The following FBH1 variants were observed in gnomAD, a reference collection of about 807,000 sequenced individuals.
FBH1 encodes the protein DNA 3'-5' helicase 1.
In FBH1, 43 loss-of-function variants were observed where a neutral mutation model predicts 115.5. The ratio of observed to expected loss-of-function variants is 0.37; its 90% CI spans 0.29 to 0.48. FBH1 has a LOEUF of 0.48. Ranked by LOEUF, FBH1 falls within the 20% of genes least tolerant of loss-of-function variation. The pLI, the probability that FBH1 is intolerant of heterozygous loss-of-function variation, is 0.99. For missense variants in FBH1, 1,001 were observed against 1,337.3 expected, an observed-to-expected ratio of 0.75 and a Z score of 3.92; for synonymous variants, 524 against 507.8, an observed-to-expected ratio of 1.03 and a Z score of -0.43.
Position 5,914,278 on chromosome 10 carries a change from G to A in FBH1, c.1396+9G>A. ...AATTATGGCCTTTGCCGGTAAGGGAGCCCACATCAGGTTCACGAGGTGGTG... is the reference window on the plus strand; with the variant it reads ...AATTATGGCCTTTGCCGGTAAGGGAACCCACATCAGGTTCACGAGGTGGTG... On this transcript the variant is annotated intron_variant, in intron 8 of 20. Coordinates refer to ENST00000362091, the MANE Select transcript of FBH1 (RefSeq NM_178150.3). The surrounding 1 kb of genome is among the most constrained non-coding windows in gnomAD (Gnocchi z 5.2). The A allele has an allele frequency of 6.2e-7, 1 of 1,613,316 alleles. No homozygotes were observed. Among genetic ancestry groups the A allele is most frequent in the Non-Finnish European group, 8.5e-7 (1 of 1,179,210 alleles).
chr10:5,906,245 G>T lies in FBH1; in HGVS notation c.366G>T (p.Lys122Asn). The change falls in exon 3 of 21, where the codon AAG becomes AAT. Residue 122 changes from lysine (K) to asparagine (N), a missense_variant. Transcript: ENST00000362091. The surrounding 1 kb of genome is among the most constrained non-coding windows in gnomAD (Gnocchi z 7.3). Reference protein sequence around the residue: ...GSPGSAPPSRKRSWSSEEESN... With the variant: ...GSPGSAPPSRNRSWSSEEESN... ...CAGGGTCTGCCCCGCCCTCCAGGAA[G>T]CGGTCTTGGTCCTCTGAGGAAGAGA... is the stretch of plus-strand genomic sequence containing the variant. The T allele has an allele frequency of 6.2e-7, 1 of 1,614,198 alleles. No homozygotes were observed. The highest frequency in any genetic ancestry group is 8.5e-7 in the Non-Finnish European group (1 of 1,180,026).
Position 5,915,258 on chromosome 10 carries a change from C to A in FBH1, c.1397-145C>A. Reference sequence around the variant, plus strand: ...TTTGAATCTGCTGCTCTTTTGGTGGCACTACTTTTACCAGCACTGAAAAAC... The same window carrying A: ...TTTGAATCTGCTGCTCTTTTGGTGGAACTACTTTTACCAGCACTGAAAAAC... On this transcript the variant is annotated intron_variant, in intron 8 of 20. Coordinates refer to ENST00000362091, the MANE Select transcript of FBH1 (RefSeq NM_178150.3). This position sits in a 1 kb window ranked among gnomAD's most constrained non-coding sequence, Gnocchi z 5.2. 1.3e-6 allele frequency: 1 copy of A among 782,274 alleles called. No homozygotes were observed. The highest frequency in any genetic ancestry group is 1.9e-5 in the South Asian group (1 of 52,314). The allele number at this position is 782,274 out of a possible 1,614,324, so 48.5% of individuals were successfully genotyped here. A position where few individuals can be genotyped will look rare whatever the true frequency, so the allele number is the denominator to read the frequency against.
Position 5,915,752 on chromosome 10 carries a change from C to G in FBH1, c.1565+181C>G. The G allele has an allele frequency of 1.6e-6, 1 of 606,242 alleles. No homozygotes were observed. The highest frequency in any genetic ancestry group is 3.0e-5 in the Admixed American group (1 of 33,022). The allele number at this position is 606,242 out of a possible 1,614,324, so 37.6% of individuals were successfully genotyped here. Reference sequence around the variant, plus strand: ...AGCCATTTGTACTTTTATCCTGTAGCAACATATTGTTTACATATAATGCCG... The same window carrying G: ...AGCCATTTGTACTTTTATCCTGTAGGAACATATTGTTTACATATAATGCCG... On this transcript the variant is annotated intron_variant, in intron 9 of 20. Transcript: ENST00000362091. The surrounding 1 kb of genome is among the most constrained non-coding windows in gnomAD (Gnocchi z 5.2).
rs1220327146 is a variant in FBH1, at chr10:5,897,838, CACTT to C, written c.2-5180_2-5177del. 6.6e-6 allele frequency among the ~76,000 whole-genome samples: 1 copy of C among 152,208 alleles called. No homozygotes were observed. Among genetic ancestry groups the C allele is most frequent in the Non-Finnish European group, 1.5e-5 (1 of 68,038 alleles). ...TGTGTCTTTGTTAGATTTCTGCAAACACTTAATCTTCGCAACAAGCATTTTGGAT... is the reference window on the plus strand; with the variant it reads ...TGTGTCTTTGTTAGATTTCTGCAAACAATCTTCGCAACAAGCATTTTGGAT... On this transcript the variant is annotated intron_variant, in intron 1 of 20. Transcript: ENST00000362091. This position sits in a 1 kb window ranked among gnomAD's most constrained non-coding sequence, Gnocchi z 4.7.
chr10:5,901,952 C>T (rs559753209), intron 1 of FBH1, among the ~76,000 whole-genome samples: 5 of 152,262 alleles, frequency 3.3e-5, no homozygotes, highest in African/African-American at 1.2e-4. Flanking sequence ...GTAACAGATG[C>T]AGAAGCATGG....
At chr10:5,922,297 A>T (rs1308453641) in intron 15 of FBH1, among the ~76,000 whole-genome samples, 1 of 152,234 alleles carries the variant, frequency 6.6e-6, no homozygotes, top group Non-Finnish European at 1.5e-5. Flanking sequence ...TATTTCATAT[A>T]ATAATTCTCA....
Position 5,924,857 on chromosome 10 carries a change from C to T in FBH1, c.2596+349C>T, listed in dbSNP as rs879536894. The T allele has an allele frequency of 4.2e-5, 17 of 407,954 alleles. No individual in the cohort carries two copies. The highest frequency in any genetic ancestry group is 6.2e-5 in the African/African-American group (3 of 48,778). The allele number at this position is 407,954 out of a possible 1,614,324, so 25.3% of individuals were successfully genotyped here. On this transcript the variant is annotated intron_variant, in intron 17 of 20. Coordinates refer to ENST00000362091, the MANE Select transcript of FBH1 (RefSeq NM_178150.3). This position sits in a 1 kb window ranked among gnomAD's most constrained non-coding sequence, Gnocchi z 6.2. ...CTAGAATTACAGGCGTGAGCCACTG[C>T]GCCCAGCCTCTTCTGCTGTTTCTTC...
rs889877058 is a variant in FBH1 at position 5,915,044 on chromosome 10, C to A, written c.1397-359C>A. ...GGACCTGTCTCTCTCCAGAGACATG[C>A]CTTCCCCCTCCCTAACCCTACCCTC... On this transcript the variant is annotated intron_variant, in intron 8 of 20. Coordinates refer to ENST00000362091, the MANE Select transcript of FBH1 (RefSeq NM_178150.3). The surrounding 1 kb of genome is among the most constrained non-coding windows in gnomAD (Gnocchi z 5.2). Among the ~76,000 whole-genome samples the A allele has an allele frequency of 2.0e-5, 3 of 152,094 alleles. No homozygotes were observed. The highest frequency in any genetic ancestry group is 7.2e-5 in the African/African-American group (3 of 41,398).
chr10:5,905,673 G>A (rs549723504), intron 2 of FBH1, among the ~76,000 whole-genome samples: 3 of 152,158 alleles, frequency 2.0e-5, no homozygotes, highest in South Asian at 2.1e-4. Flanking sequence ...TAGTGGGAGC[G>A]GGGCACTTTG....
chr10:5,907,343 C>A (rs1307970621), intron 3 of FBH1, among the ~76,000 whole-genome samples: 1 of 152,114 alleles, frequency 6.6e-6, no homozygotes, highest in Non-Finnish European at 1.5e-5. Context: ...CAACAGCATT[C>A]ATTGCATTTC....
rs534118555 is a variant in FBH1 at position 5,924,170 on chromosome 10, G to A, written c.2399-141G>A. 17 of 720,190 alleles carry A rather than the reference G, an allele frequency of 2.4e-5. No homozygotes were observed. The South Asian group carries it at 2.8e-4, about 12-fold the overall frequency. The allele number at this position is 720,190 out of a possible 1,614,324, so 44.6% of individuals were successfully genotyped here. A position where few individuals can be genotyped will look rare whatever the true frequency, so the allele number is the denominator to read the frequency against. ...TTGCCCAGGGACACACAGCGAGTTAGTGATGCAGTCAGGCCTGGAACCCGG... is the reference window on the plus strand; with the variant it reads ...TTGCCCAGGGACACACAGCGAGTTAATGATGCAGTCAGGCCTGGAACCCGG... On this transcript the variant is annotated intron_variant, in intron 16 of 20. Transcript: ENST00000362091. This position sits in a 1 kb window ranked among gnomAD's most constrained non-coding sequence, Gnocchi z 6.2.
In FBH1 at chr10:5,906,341, G is replaced by A. The variant is rs770780965; in HGVS notation, c.462G>A (p.Val154=). 6.2e-7 allele frequency: 1 copy of A among 1,614,242 alleles called. No homozygotes were observed. Among genetic ancestry groups the A allele is most frequent in the South Asian group, 1.1e-5 (1 of 91,082 alleles). Residue 154 remains valine (V), a synonymous_variant, in exon 3 of 21, where the codon GTG becomes GTA. Transcript: ENST00000362091. The surrounding 1 kb of genome is among the most constrained non-coding windows in gnomAD (Gnocchi z 7.3). ...AAGCTCCACGGCACCATTTGTCTGT[G>A]CCATGCACAAGGCCTAGGGAGGCCA... The part of the protein sequence containing the change: ...SKKAPRHHLS[V]PCTRPREARQ...
intron 1 of FBH1, among the ~76,000 whole-genome samples, chr10:5,901,450 G>A (rs904959085): frequency 6.0e-5 from 9 of 151,158 alleles, no homozygotes; most frequent in South Asian, 2.1e-4. Context: ...GAGACACTGC[G>A]CCCGACCTAC....
At chr10:5,905,193 ATAAAT>A (rs776959311) in intron 2 of FBH1, 5 of 152,260 alleles carry the variant, frequency 3.3e-5, no homozygotes, top group Non-Finnish European at 4.4e-5. Context: ...TATTTTAAAA[ATAAAT>A]TAATGTGTCA....
At chr10:5,907,655 G>C (rs1843793984) in intron 3 of FBH1, among the ~76,000 whole-genome samples, 1 of 151,860 alleles carries the variant, frequency 6.6e-6, no homozygotes, top group Non-Finnish European at 1.5e-5. Flanking sequence ...TGTATTTTTA[G>C]GAGAGATAGG....
rs1220341954 is a variant in FBH1 at position 5,915,919 on chromosome 10, A to G, written c.1566-315A>G. 2 of 465,774 alleles carry G rather than the reference A, an allele frequency of 4.3e-6. No individual in the cohort carries two copies. Among genetic ancestry groups the G allele is most frequent in the Admixed American group, 7.6e-5 (2 of 26,228 alleles). The allele number at this position is 465,774 out of a possible 1,614,324, so 28.9% of individuals were successfully genotyped here. ...GGAAGACTCAGCCGAGGCACACTTGACCCAGGTCTCCTGGATGTAGAGGCA... is the reference window on the plus strand; with the variant it reads ...GGAAGACTCAGCCGAGGCACACTTGGCCCAGGTCTCCTGGATGTAGAGGCA... On this transcript the variant is annotated intron_variant, in intron 9 of 20. Coordinates refer to ENST00000362091, the MANE Select transcript of FBH1 (RefSeq NM_178150.3). The surrounding 1 kb of genome is among the most constrained non-coding windows in gnomAD (Gnocchi z 5.2).
rs772267103 is a variant in FBH1, at chr10:5,936,440, G to A, written c.2830-16G>A. The A allele has an allele frequency of 1.2e-5, 19 of 1,611,496 alleles. No individual in the cohort carries two copies. Among genetic ancestry groups the A allele is most frequent in the South Asian group, 9.9e-5 (9 of 90,960 alleles). On this transcript the variant is annotated splice_polypyrimidine_tract_variant and intron_variant, in intron 19 of 20. Coordinates refer to ENST00000362091, the MANE Select transcript of FBH1 (RefSeq NM_178150.3). The surrounding 1 kb of genome is among the most constrained non-coding windows in gnomAD (Gnocchi z 5.6). ...AGGTGTCGCCATGACTCTCTTTCTC[G>A]CTCTTTCTTTCTCAGGAGTACTTCT...
At position 5,900,347 on chromosome 10, in the gene FBH1, T is replaced by A. The variant is rs1843268273; in HGVS notation, c.2-2673T>A. ...ATGAGATTGGGCGCGTTCAGGGTGG[T>A]ATGGCCGTAGACCTATCAGACTTAG... On this transcript the variant is annotated intron_variant, in intron 1 of 20. Transcript: ENST00000362091. The surrounding 1 kb of genome is among the most constrained non-coding windows in gnomAD (Gnocchi z 4.2). 6.6e-6 allele frequency among the ~76,000 whole-genome samples: 1 copy of A among 152,242 alleles called. No homozygotes were observed. The highest frequency in any genetic ancestry group is 2.1e-4 in the South Asian group (1 of 4,836).
At chr10:5,907,217 C>G (rs1158309079) in intron 3 of FBH1, among the ~76,000 whole-genome samples, 1 of 152,184 alleles carries the variant, frequency 6.6e-6, no homozygotes, top group Non-Finnish European at 1.5e-5. Flanking sequence ...TGCCTGCCAT[C>G]AGCCTCCCAA....
Sources: allele counts gnomAD v4.1 joint callset (sites outside exome capture counted in the v4.1 genomes callset), GRCh38; gene constraint gnomAD v4.1.1; non-coding constraint Gnocchi (gnomAD v3.1); transcripts MANE v1.5; gene names NCBI Gene and HGNC (gene_info 2026-07-23, HGNC 2026-07-21).